Variants in CFAP52 observed in about 807,000 individuals in gnomAD.
CFAP52 encodes the protein cilia- and flagella-associated protein 52.
In CFAP52, 57 loss-of-function variants were observed where a neutral mutation model predicts 70.5. The ratio of observed to expected loss-of-function variants is 0.81; its 90% CI spans 0.65 to 1.01. CFAP52 has a LOEUF of 1.01. Ranked by LOEUF, CFAP52 falls within the 50% of genes least tolerant of loss-of-function variation. The pLI, the probability that CFAP52 is intolerant of heterozygous loss-of-function variation, is 0.00. For missense variants in CFAP52, 785 were observed against 788.5 expected, an observed-to-expected ratio of 1.00 and a Z score of 0.05; for synonymous variants, 267 against 292.5, an observed-to-expected ratio of 0.91 and a Z score of 0.89.
chr17:9,583,022 G>A (rs1012920935), intron 1 of CFAP52, among the ~76,000 whole-genome samples: 1 of 152,176 alleles, frequency 6.6e-6, no homozygotes, highest in African/African-American at 2.4e-5. Context: ...TAGTTGGAAA[G>A]TCATTTCTTA....
At chr17:9,599,556 C>T (rs1698421421) in intron 5 of CFAP52, among the ~76,000 whole-genome samples, 1 of 152,088 alleles carries the variant, frequency 6.6e-6, no homozygotes, top group Admixed American at 6.6e-5. Context: ...TATTTCCTCC[C>T]ATTCTATGTG....
At chr17:9,604,750 AAAATAAATAAATAAAT>A (rs58770209) in intron 6 of CFAP52, among the ~76,000 whole-genome samples, 347 of 135,052 alleles carry the variant, frequency 2.6e-3, no homozygotes, top group East Asian at 0.014. Context: ...ACTCTGTCTC[AAAATAAATAAATAAAT>A]AAATAAATAA....
chr17:9,612,625 C>T, intron 8 of CFAP52, 146 bp downstream of exon 8: 1 of 930,492 alleles, frequency 1.1e-6, no homozygotes, highest in Non-Finnish European at 1.5e-6. Context: ...TTTTAAGAGA[C>T]TTTCCATTGT....
At chr17:9,594,529 G>A (rs773639295) in intron 4 of CFAP52, 5 of 537,950 alleles carry the variant, frequency 9.3e-6, no homozygotes, top group South Asian at 8.1e-5. Context: ...GATTGCTGCT[G>A]AAAAGATTTT....
intron 6 of CFAP52, among the ~76,000 whole-genome samples, chr17:9,603,222 T>A (rs1422583731): frequency 6.6e-6 from 1 of 152,188 alleles, no homozygotes; most frequent in Admixed American, 6.5e-5. Context: ...TTGTTATTAT[T>A]TTTTGATACA....
rs1485325404 is a variant in CFAP52, at chr17:9,630,589, C to T, written c.1174+1769C>T. Among the ~76,000 whole-genome samples the T allele has an allele frequency of 4.0e-5, 6 of 150,684 alleles. No individual in the cohort carries two copies. In the East Asian group the frequency reaches 1.3e-3, roughly 32 times the overall value. ...GGACTACAGGCGCCCGCTACCACGC[C>T]CGGCTAATTTTTCTGTATGTTTAGT... is the stretch of plus-strand genomic sequence containing the variant. On this transcript the variant is annotated intron_variant, in intron 9 of 13. Transcript: ENST00000352665.
chr17:9,611,245 C>CT lies in CFAP52; in HGVS notation c.855-1053dup, dbSNP rs34854955. Among the ~76,000 whole-genome samples, 504 of 150,758 alleles carry CT rather than the reference C, an allele frequency of 3.3e-3. 4 individuals carry two copies. The highest frequency in any genetic ancestry group is 0.011 in the African/African-American group (436 of 40,820). ...TCCTAGGGCCTCATTCATGTATATACTTTTTTTTTTTAAGTTCATACTCAT... is the reference window on the plus strand; with the variant it reads ...TCCTAGGGCCTCATTCATGTATATACTTTTTTTTTTTTAAGTTCATACTCAT... On this transcript the variant is annotated intron_variant, in intron 7 of 13. Coordinates refer to ENST00000352665, the MANE Select transcript of CFAP52 (RefSeq NM_145054.5).
rs188668441 is a variant in CFAP52 at position 9,629,387 on chromosome 17, C to T, written c.1174+567C>T. Among the ~76,000 whole-genome samples, 163 of 152,280 alleles carry T rather than the reference C, an allele frequency of 1.1e-3. 2 individuals carry two copies. Among genetic ancestry groups the T allele is most frequent in the African/African-American group, 3.8e-3 (159 of 41,560 alleles). On this transcript the variant is annotated intron_variant, in intron 9 of 13. Transcript: ENST00000352665. ...CTCAGAAAGTACACATACTGCTTCA[C>T]ATCAATGAAAAGTTCAGTGGATCTT...
Position 9,576,736 on chromosome 17 carries a change from TG to T in CFAP52, c.43del (p.Glu15AsnfsTer5). 6.2e-7 allele frequency: 1 copy of T among 1,612,552 alleles called. No homozygotes were observed. Among genetic ancestry groups the T allele is most frequent in the Non-Finnish European group, 8.5e-7 (1 of 1,179,242 alleles). ...KISPEAQVAELELDAVIGFNG... is the reference protein window; with the variant it reads ...KISPEAQVAEXELDAVIGFNG... ...TCGCCGGAGGCCCAAGTGGCGGAGC[TG>T]GAACTTGACGCCGTGATCGGCTTCA... On this transcript the variant is annotated frameshift_variant, in exon 1 of 14. Coordinates refer to ENST00000352665, the MANE Select transcript of CFAP52 (RefSeq NM_145054.5). LOFTEE classifies it high-confidence loss of function.
chr17:9,632,895 C>T lies in CFAP52; in HGVS notation c.1182C>T (p.Asn394=), dbSNP rs376283850. ...GTTTCCCTTTCATGCCAGCATGGAACGACGGTAAAATCCGAGCCTTCGCCC... is the reference window on the plus strand; with the variant it reads ...GTTTCCCTTTCATGCCAGCATGGAATGACGGTAAAATCCGAGCCTTCGCCC... ...RDGKSIISAW[N]DGKIRAFAPE... The change falls in exon 10 of 14, where the codon AAC becomes AAT. Residue 394 remains asparagine (N), a synonymous_variant. Coordinates refer to ENST00000352665, the MANE Select transcript of CFAP52 (RefSeq NM_145054.5). The T allele has an allele frequency of 1.2e-5, 20 of 1,613,832 alleles. No homozygotes were observed. Among genetic ancestry groups the T allele is most frequent in the Admixed American group, 3.3e-5 (2 of 59,996 alleles).
At chr17:9,610,935 C>T (rs1909690299) in intron 7 of CFAP52, among the ~76,000 whole-genome samples, 1 of 152,170 alleles carries the variant, frequency 6.6e-6, no homozygotes, top group African/African-American at 2.4e-5. Context: ...GGGCTAGCAA[C>T]AGATATAAAG....
In CFAP52 at chr17:9,612,381, A is replaced by G. The variant is rs149106566; in HGVS notation, c.927A>G (p.Thr309=). Reference sequence around the variant, plus strand: ...AAGGACACCAGTTTCTCGTAGGAACAGAAGAATCGCACATTTATCGTGTCA... The same window carrying G: ...AAGGACACCAGTTTCTCGTAGGAACGGAAGAATCGCACATTTATCGTGTCA... ...RGEGHQFLVG[T]EESHIYRVSF... Residue 309 remains threonine, a synonymous_variant, in exon 8 of 14, where the codon ACA becomes ACG. Coordinates refer to ENST00000352665, the MANE Select transcript of CFAP52 (RefSeq NM_145054.5). 350 of 1,614,126 alleles carry G rather than the reference A, an allele frequency of 2.2e-4. No homozygotes were observed. The highest frequency in any genetic ancestry group is 2.7e-4 in the Non-Finnish European group (322 of 1,180,048).
intron 10 of CFAP52, among the ~76,000 whole-genome samples, chr17:9,633,583 G>C (rs1011867454): frequency 6.6e-6 from 1 of 152,116 alleles, no homozygotes; most frequent in South Asian, 2.1e-4. Flanking sequence ...ATGTGGACTA[G>C]AGTTAAGGAA....
At chr17:9,594,122 A>T in intron 3 of CFAP52, 71 bp from the exon 4 acceptor site, 14 of 1,503,132 alleles carry the variant, frequency 9.3e-6, no homozygotes, top group Non-Finnish European at 1.2e-5. Context: ...AACCACTAAG[A>T]TGGTTGTTTC....
chr17:9,607,014 A>G (rs1257803690), intron 6 of CFAP52, among the ~76,000 whole-genome samples: 1 of 152,218 alleles, frequency 6.6e-6, no homozygotes, highest in Non-Finnish European at 1.5e-5. Flanking sequence ...ATTAAGACAC[A>G]AACCTATACA....
At chr17:9,622,374 C>T (rs375795363) in intron 8 of CFAP52, among the ~76,000 whole-genome samples, 1 of 151,910 alleles carries the variant, frequency 6.6e-6, no homozygotes, top group Non-Finnish European at 1.5e-5. Context: ...TGGTGAGACA[C>T]CCCTTCCTCA....
chr17:9,643,237 G>A lies in CFAP52; in HGVS notation c.*39G>A. ...TCTCTGAGCCTTGGCGTTGCACGCAGTCCTGTTGAAGACTGAGTTTAGATA... is the reference window on the plus strand; with the variant it reads ...TCTCTGAGCCTTGGCGTTGCACGCAATCCTGTTGAAGACTGAGTTTAGATA... On this transcript the variant is annotated 3_prime_UTR_variant, in exon 14 of 14. Transcript: ENST00000352665. The A allele has an allele frequency of 6.7e-7, 1 of 1,494,386 alleles. No individual in the cohort carries two copies. The highest frequency in any genetic ancestry group is 9.0e-7 in the Non-Finnish European group (1 of 1,117,208). 92.6% of individuals were successfully genotyped at this position (1,494,386 alleles called of 1,614,324 possible).
At chr17:9,631,052 G>GAGAGAGAGAA (rs370935367) in intron 9 of CFAP52, among the ~76,000 whole-genome samples, 9 of 37,954 alleles carry the variant, frequency 2.4e-4, no homozygotes, top group East Asian at 2.3e-3. Context: ...GAGAGAGAGA[G>GAGAGAGAGAA]AGAAAGAAAG....
chr17:9,631,028 A>AAGAAAGAG (rs1555544250), intron 9 of CFAP52, among the ~76,000 whole-genome samples: 11 of 44,734 alleles, frequency 2.5e-4, no homozygotes, highest in African/African-American at 3.6e-4. Flanking sequence ...GAAAGAAAGA[A>AAGAAAGAG]AGAGAGAGAG....
Sources: gnomAD v4.1 joint callset for allele counts (sites outside exome capture counted in the v4.1 genomes callset) on GRCh38, gnomAD v4.1.1 for gene constraint, MANE v1.5 for transcripts, NCBI Gene and HGNC (gene_info 2026-07-23, HGNC 2026-07-21) for gene names.